Variants in SOX5 observed in about 807,000 individuals in gnomAD.
The protein encoded by SOX5 is SRY-box transcription factor 5.
A neutral mutation model predicts 92.0 loss-of-function variants in SOX5; 9 were observed. The observed-to-expected ratio is 0.10, with a 90% CI of 0.06 to 0.17. SOX5 has a LOEUF of 0.17. Ranked by LOEUF, SOX5 falls within the 10% of genes least tolerant of loss-of-function variation. SOX5 has a pLI of 1.00. For missense variants in SOX5, 642 were observed against 944.5 expected (o/e 0.68, Z 4.20); for synonymous variants, 344 against 336.3 (o/e 1.02, Z -0.25).
rs1172577723 is a variant in SOX5, at chr12:23,594,548, T to TA, written c.1164+9838dup. Among the ~76,000 whole-genome samples the TA allele has an allele frequency of 7.9e-5, 12 of 152,014 alleles. No homozygotes were observed. In the East Asian group the frequency reaches 1.4e-3, roughly 17 times the overall value. On this transcript the variant is annotated intron_variant, in intron 9 of 14. Transcript: ENST00000451604. ...TTAATTAATTAATTGGCACAGGAGA[T>TA]AAAAAAATTCCTTTGCTACAAAGAC...
chr12:24,393,180 C>G lies in SOX5; in HGVS notation c.-250-24541G>C, dbSNP rs141033790. Among the ~76,000 whole-genome samples the G allele has an allele frequency of 2.3e-3, 346 of 152,242 alleles. 2 individuals carry two copies. The highest frequency in any genetic ancestry group is 7.9e-3 in the African/African-American group (327 of 41,552). Reference sequence around the variant, plus strand: ...AATTAGAAGCTGGCAAAAAAACAAACCCACTGCCTGGGGCAGCCTGGGGCT... The same window carrying G: ...AATTAGAAGCTGGCAAAAAAACAAAGCCACTGCCTGGGGCAGCCTGGGGCT... On this transcript the variant is annotated intron_variant, in intron 1 of 4. Transcript: ENST00000446891. The surrounding 1 kb of genome is among the most constrained non-coding windows in gnomAD (Gnocchi z 5.0).
intron 8 of SOX5, among the ~76,000 whole-genome samples, chr12:23,611,303 T>C (rs1489443698): frequency 6.6e-6 from 1 of 152,082 alleles, no homozygotes; most frequent in Non-Finnish European, 1.5e-5. Flanking sequence ...GGTTTATCCA[T>C]GTTTTCACAA....
At chr12:24,161,582 G>A (rs1346719299) in intron 4 of SOX5, among the ~76,000 whole-genome samples, 1 of 152,164 alleles carries the variant, frequency 6.6e-6, no homozygotes, top group South Asian at 2.1e-4. Flanking sequence ...ATTATAAAAA[G>A]TCAGGAGATG....
chr12:23,747,521 G>A (rs1344185022), intron 4 of SOX5, among the ~76,000 whole-genome samples: 2 of 151,976 alleles, frequency 1.3e-5, no homozygotes, highest in Admixed American at 6.6e-5. Context: ...ATCTCTTCCC[G>A]TTTTCTCTTT....
Position 24,118,273 on chromosome 12 carries a change from A to G in SOX5, c.-2+95070T>C, listed in dbSNP as rs537716247. Reference sequence around the variant, plus strand: ...TTAACATCCTCACTACAAAAACATGATAAGTCGGTGAGGTGATGCATATGT... The same window carrying G: ...TTAACATCCTCACTACAAAAACATGGTAAGTCGGTGAGGTGATGCATATGT... On this transcript the variant is annotated intron_variant, in intron 4 of 4. Transcript: ENST00000446891. Among the ~76,000 whole-genome samples, 10 of 152,262 alleles carry G rather than the reference A, an allele frequency of 6.6e-5. No individual in the cohort carries two copies. The East Asian group carries it at 1.7e-3, about 26-fold the overall frequency.
intron 4 of SOX5, among the ~76,000 whole-genome samples, chr12:24,157,509 T>C (rs1468793670): frequency 6.6e-6 from 1 of 152,140 alleles, no homozygotes; most frequent in African/African-American, 2.4e-5. Context: ...CTCTAAATGC[T>C]TACTTGTTCA....
chr12:23,858,293 G>C (rs1196852193), intron 2 of SOX5, among the ~76,000 whole-genome samples: 1 of 152,010 alleles, frequency 6.6e-6, no homozygotes, highest in Non-Finnish European at 1.5e-5. Context: ...TGCAAACTAT[G>C]CATCTCACAA....
At chr12:23,639,034 G>A (rs2079662187) in intron 8 of SOX5, among the ~76,000 whole-genome samples, 1 of 151,674 alleles carries the variant, frequency 6.6e-6, no homozygotes, top group African/African-American at 2.4e-5. Context: ...CATTTTAATG[G>A]GTACAATACC....
At chr12:23,889,214 G>T (rs1256444066) in intron 2 of SOX5, among the ~76,000 whole-genome samples, 1 of 152,130 alleles carries the variant, frequency 6.6e-6, no homozygotes, top group Non-Finnish European at 1.5e-5. Context: ...ACAACAATAT[G>T]CATTATAGCA....
At chr12:23,657,426 T>C (rs562022792) in intron 7 of SOX5, among the ~76,000 whole-genome samples, 1 of 152,260 alleles carries the variant, frequency 6.6e-6, no homozygotes, top group Non-Finnish European at 1.5e-5. Flanking sequence ...ATATATCTAT[T>C]GTAGAGTTTG....
intron 9 of SOX5, among the ~76,000 whole-genome samples, chr12:23,578,144 A>AAAAAAAAC (rs1432589481): frequency 7.4e-6 from 1 of 134,908 alleles, no homozygotes; most frequent in African/African-American, 2.6e-5. Flanking sequence ...AAAAAAAAAA[A>AAAAAAAAC]AAAAAACTAT....
At chr12:24,230,105 C>T (rs1255854202) in intron 3 of SOX5, among the ~76,000 whole-genome samples, 2 of 152,156 alleles carry the variant, frequency 1.3e-5, no homozygotes, top group Admixed American at 6.5e-5. Flanking sequence ...CCTTGAATTA[C>T]CTCCCAATAG....
chr12:23,924,557 G>A (rs1939399486), intron 1 of SOX5, among the ~76,000 whole-genome samples: 1 of 152,100 alleles, frequency 6.6e-6, no homozygotes, highest in South Asian at 2.1e-4. Flanking sequence ...TAAATCAGGT[G>A]CAACGGAGGA....
intron 1 of SOX5, among the ~76,000 whole-genome samples, chr12:24,411,201 C>T (rs1314809945): frequency 6.9e-6 from 1 of 144,856 alleles, no homozygotes; most frequent in South Asian, 2.2e-4. Flanking sequence ...TTTTTCTTTT[C>T]TTTTTTTTTT....
intron 3 of SOX5, among the ~76,000 whole-genome samples, chr12:23,842,428 A>G (rs2096529867): frequency 6.6e-6 from 1 of 152,130 alleles, no homozygotes; most frequent in African/African-American, 2.4e-5. Context: ...AGATATATAC[A>G]TATATAGGTT....
intron 11 of SOX5, among the ~76,000 whole-genome samples, chr12:23,561,165 G>A (rs1182188099): frequency 1.3e-5 from 2 of 152,088 alleles, no homozygotes; most frequent in African/African-American, 4.8e-5. Context: ...TTTCAAAAAT[G>A]GATTTTTTTA....
At chr12:24,007,095 T>C (rs1424953409) in intron 4 of SOX5, among the ~76,000 whole-genome samples, 4 of 145,598 alleles carry the variant, frequency 2.7e-5, no homozygotes, top group Non-Finnish European at 4.5e-5. Flanking sequence ...CTCCCGCCAT[T>C]GCACTCCAGC....
chr12:24,107,203 C>A (rs944781303), intron 4 of SOX5, among the ~76,000 whole-genome samples: 1 of 152,160 alleles, frequency 6.6e-6, no homozygotes, highest in Non-Finnish European at 1.5e-5. Flanking sequence ...ACAACAAGCT[C>A]TTACAATCCA....
At chr12:23,547,478 A>T (rs894325807) in intron 11 of SOX5, among the ~76,000 whole-genome samples, 2 of 152,140 alleles carry the variant, frequency 1.3e-5, no homozygotes, top group Non-Finnish European at 2.9e-5. Context: ...ACAGAAAGTA[A>T]TCAATGATGT....
Sources: gnomAD v4.1 joint callset for allele counts (sites outside exome capture counted in the v4.1 genomes callset) on GRCh38, gnomAD v4.1.1 for gene constraint, Gnocchi (gnomAD v3.1) non-coding constraint, MANE v1.5 for transcripts, NCBI Gene and HGNC (gene_info 2026-07-23, HGNC 2026-07-21) for gene names.